SEC62: variants seen among roughly 807,000 people sequenced by gnomAD.
SEC62 encodes translocation protein SEC62.
Under a neutral mutation model 47.5 loss-of-function variants are expected in SEC62, and 10 were observed. The ratio of observed to expected loss-of-function variants is 0.21; its 90% CI spans 0.13 to 0.36. The LOEUF (loss-of-function observed/expected upper bound fraction) is 0.36. Ranked by LOEUF, SEC62 falls within the 10% of genes least tolerant of loss-of-function variation. The pLI is 1.00. For missense variants in SEC62, 327 were observed against 464.1 expected (o/e 0.70, Z 2.71); for synonymous variants, 136 against 150.5 (o/e 0.90, Z 0.71).
At chr3:169,967,009 C>G (rs1204359520) in intron 1 of SEC62, 151 bp downstream of exon 1, 4 of 920,686 alleles carry the variant, frequency 4.3e-6, no homozygotes, top group Admixed American at 3.0e-5. Flanking sequence ...GCAGGCTGCG[C>G]GTTGTGAGGG....
intron 6 of SEC62, among the ~76,000 whole-genome samples, chr3:169,987,908 T>C (rs1416448680): frequency 1.3e-5 from 2 of 152,190 alleles, no homozygotes; most frequent in African/African-American, 4.8e-5. Context: ...TAGGCAAATA[T>C]CTTAGTATTT....
Position 169,982,762 on chromosome 3 carries a change from G to C in SEC62, c.307G>C (p.Asp103His), listed in dbSNP as rs1180435962. ...CCTAAAAGTAATGAAAATGAAATAT[G>C]ATAAAGACATAAAGAAAGAAAAAGA... The part of the protein sequence containing the change: ...RALKVMKMKY[D>H]KDIKKEKDKG... The change falls in exon 4 of 8, where the codon GAT becomes CAT. Residue 103 changes from aspartate to histidine, a missense_variant. Around this residue, in one of 3 missense-constraint regions of SEC62, gnomAD observed 126 missense variants for 161.2 expected, o/e 0.78. Coordinates refer to ENST00000337002, the MANE Select transcript of SEC62 (RefSeq NM_003262.4). The C allele has an allele frequency of 6.2e-7, 1 of 1,603,512 alleles. No individual in the cohort carries two copies. The highest frequency in any genetic ancestry group is 1.1e-5 in the South Asian group (1 of 89,942).
intron 1 of SEC62, among the ~76,000 whole-genome samples, chr3:169,968,133 G>A (rs1714601696): frequency 6.6e-6 from 1 of 152,116 alleles, no homozygotes; most frequent in Non-Finnish European, 1.5e-5. Context: ...TAATTATACT[G>A]TTCTTAATCT....
intron 7 of SEC62, among the ~76,000 whole-genome samples, chr3:169,989,854 C>T (rs1169442767): frequency 1.3e-5 from 2 of 151,344 alleles, no homozygotes; most frequent in Non-Finnish European, 3.0e-5. Context: ...TTTTGATTCT[C>T]TTAGAAAATG....
chr3:169,983,462 T>A, intron 5 of SEC62: 1 of 371,406 alleles, frequency 2.7e-6, no homozygotes. Context: ...AAACCTGAAA[T>A]AAAAGCATCT....
chr3:169,983,677 T>G (rs896904964), intron 5 of SEC62: 1 of 153,568 alleles, frequency 6.5e-6, no homozygotes, highest in Non-Finnish European at 1.4e-5. Context: ...ATGTCTCCTC[T>G]TTAAGGAGAC....
At chr3:169,974,969 C>T (rs1714795785) in intron 1 of SEC62, among the ~76,000 whole-genome samples, 1 of 152,130 alleles carries the variant, frequency 6.6e-6, no homozygotes, top group South Asian at 2.1e-4. Flanking sequence ...TTTTTAATTA[C>T]TGTTTTGTGG....
Position 169,993,205 on chromosome 3 carries a change from T to TC in SEC62, c.*143dup. The stretch of plus-strand genomic sequence containing the variant: ...GTATTTGACATTCAAGCAGTTATAT[T>TC]CGGTCCTTCATTTTATAGAATATTG... On this transcript the variant is annotated 3_prime_UTR_variant, in exon 8 of 8. Transcript: ENST00000337002. 1 of 653,748 alleles carries TC rather than the reference T, an allele frequency of 1.5e-6. No homozygotes were observed. The allele number at this position is 653,748 out of a possible 1,614,324, so 40.5% of individuals were successfully genotyped here. A position where few individuals can be genotyped will look rare whatever the true frequency, so the allele number is the denominator to read the frequency against.
Position 169,966,989 on chromosome 3 carries a change from G to A in SEC62, c.36+131G>A, listed in dbSNP as rs868818422. The A allele has an allele frequency of 5.7e-6, 6 of 1,046,104 alleles. No individual in the cohort carries two copies. In the African/African-American group the frequency reaches 9.9e-5, roughly 17 times the overall value. 64.8% of individuals were successfully genotyped at this position (1,046,104 alleles called of 1,614,324 possible). ...GGGTGGGGTGGGGTTCCGCCGCGAG[G>A]CAGCTGGCTGCAGGCTGCGCGTTGT... On this transcript the variant is annotated intron_variant, in intron 1 of 7. Coordinates refer to ENST00000337002, the MANE Select transcript of SEC62 (RefSeq NM_003262.4).
At position 169,966,890 on chromosome 3, in the gene SEC62, C is replaced by T; in HGVS notation, c.36+32C>T. The T allele has an allele frequency of 3.0e-6, 4 of 1,332,678 alleles. No individual in the cohort carries two copies. The South Asian group carries it at 3.7e-5, about 12-fold the overall frequency. The allele number at this position is 1,332,678 out of a possible 1,614,324, so 82.6% of individuals were successfully genotyped here. On this transcript the variant is annotated intron_variant, in intron 1 of 7. Transcript: ENST00000337002. ...AAGCCGAGCTCTGGGCAGGGGGCTT[C>T]GGCGCGCTGGATAGTGGAAGGGGCG... is the stretch of plus-strand genomic sequence containing the variant.
chr3:169,983,742 T>C (rs1034605346), intron 5 of SEC62: 2 of 152,386 alleles, frequency 1.3e-5, no homozygotes, highest in African/African-American at 4.8e-5. Context: ...TTGAATTCCA[T>C]TGGCCAGAAC....
At chr3:169,972,879 T>C (rs1228913166) in intron 1 of SEC62, among the ~76,000 whole-genome samples, 1 of 152,240 alleles carries the variant, frequency 6.6e-6, no homozygotes, top group Admixed American at 6.5e-5. Flanking sequence ...GTGAGTACTC[T>C]GTAAGTCTGG....
chr3:169,987,894 TTAG>T (rs1293265396), intron 6 of SEC62, among the ~76,000 whole-genome samples: 1 of 152,196 alleles, frequency 6.6e-6, no homozygotes, highest in Admixed American at 6.5e-5. Context: ...GCTCCCTTAC[TTAG>T]TAGGCAAATA....
intron 1 of SEC62, among the ~76,000 whole-genome samples, chr3:169,968,054 G>A (rs1714598055): frequency 6.6e-6 from 1 of 152,118 alleles, no homozygotes. Flanking sequence ...GGGTGCAGAA[G>A]GGAATTAGAA....
At chr3:169,982,995 T>C in intron 4 of SEC62, 84 bp downstream of exon 4, 1 of 1,515,184 alleles carries the variant, frequency 6.6e-7, no homozygotes, top group Non-Finnish European at 8.8e-7. Context: ...ATTTAAGTAT[T>C]ATGCAACACC....
chr3:169,982,543 T>G, intron 3 of SEC62, 164 bp from the exon 4 acceptor site: 1 of 739,618 alleles, frequency 1.4e-6, no homozygotes. Flanking sequence ...AGTGTTTTGA[T>G]TTAGTGGTAG....
At chr3:169,981,551 T>C (rs1315341164) in intron 3 of SEC62, among the ~76,000 whole-genome samples, 1 of 152,128 alleles carries the variant, frequency 6.6e-6, no homozygotes, top group Non-Finnish European at 1.5e-5. Context: ...CTAGATTGTA[T>C]TGTGGCAATT....
chr3:169,983,933 G>A (rs1240290712), intron 5 of SEC62: 1 of 152,056 alleles, frequency 6.6e-6, no homozygotes, highest in Admixed American at 6.5e-5. Flanking sequence ...TCACTTGAGG[G>A]GCTTAAAATT....
At chr3:169,990,198 C>A (rs941089690) in intron 7 of SEC62, among the ~76,000 whole-genome samples, 2 of 151,712 alleles carry the variant, frequency 1.3e-5, no homozygotes, top group African/African-American at 4.8e-5. Context: ...AACTCCTGGG[C>A]TCAAGCAGCC....
Sources: gnomAD v4.1 joint callset for allele counts (sites outside exome capture counted in the v4.1 genomes callset) on GRCh38, gnomAD v4.1.1 for gene constraint, gnomAD v4.1.1 regional missense constraint, MANE v1.5 for transcripts, NCBI Gene and HGNC (gene_info 2026-07-23, HGNC 2026-07-21) for gene names.